The following TRPS1 variants were observed in gnomAD, a reference collection of about 807,000 sequenced individuals.
TRPS1 encodes transcriptional repressor GATA binding 1, also known as zinc finger transcription factor Trps1.
A neutral mutation model predicts 101.2 loss-of-function variants in TRPS1; 6 were observed. That is an observed-to-expected ratio of 0.06 (90% CI 0.03 to 0.12). The LOEUF (loss-of-function observed/expected upper bound fraction) is 0.12, where lower values mean the gene tolerates loss of function less well. Ranked by LOEUF, TRPS1 falls within the 10% of genes least tolerant of loss-of-function variation. The pLI is 1.00. For missense variants in TRPS1, 1,363 were observed against 1,567.0 expected (o/e 0.87, Z 2.20); for synonymous variants, 578 against 589.8 (o/e 0.98, Z 0.29).
intron 5 of TRPS1, among the ~76,000 whole-genome samples, chr8:115,577,390 T>A (rs1489670905): frequency 2.0e-5 from 3 of 152,104 alleles, no homozygotes; most frequent in Non-Finnish European, 2.9e-5. Context: ...ATTTTTAGCA[T>A]ATAGGTAGCA....
At chr8:115,463,492 A>C (rs1313480258) in intron 5 of TRPS1, among the ~76,000 whole-genome samples, 1 of 152,164 alleles carries the variant, frequency 6.6e-6, no homozygotes, top group East Asian at 1.9e-4. Context: ...AATATACCTA[A>C]CCTGAGAGGT....
rs553616250 is a variant in TRPS1, at chr8:115,653,991, G to A, written c.-122+14554C>T. Among the ~76,000 whole-genome samples the A allele has an allele frequency of 2.6e-5, 4 of 152,178 alleles. No homozygotes were observed. The South Asian group carries it at 8.3e-4, about 32-fold the overall frequency. ...AGAGGTGAAAATGACAATAGCATTG[G>A]GGTTGTAATGTGTGAATTTCACTTA... On this transcript the variant is annotated intron_variant, in intron 1 of 6. Coordinates refer to ENST00000395715, the MANE Select transcript of TRPS1 (RefSeq NM_014112.5).
chr8:115,564,889 G>A (rs1408829054), intron 5 of TRPS1, among the ~76,000 whole-genome samples: 1 of 152,046 alleles, frequency 6.6e-6, no homozygotes, highest in African/African-American at 2.4e-5. Flanking sequence ...TCCACTGAAT[G>A]TTACATTCAT....
At chr8:115,439,574 A>T (rs1813539586) in intron 5 of TRPS1, among the ~76,000 whole-genome samples, 1 of 152,234 alleles carries the variant, frequency 6.6e-6, no homozygotes, top group Non-Finnish European at 1.5e-5. Flanking sequence ...TAAAGAGCAC[A>T]GTTTTTCCTC....
At chr8:115,498,387 C>G (rs1349312680) in intron 5 of TRPS1, among the ~76,000 whole-genome samples, 11 of 70,392 alleles carry the variant, frequency 1.6e-4, no homozygotes, top group East Asian at 4.6e-4. Flanking sequence ...CTCTCTCTCT[C>G]TCTCTCTCTC....
At chr8:115,612,742 G>C (rs1283202974) in intron 3 of TRPS1, among the ~76,000 whole-genome samples, 1 of 152,188 alleles carries the variant, frequency 6.6e-6, no homozygotes, top group African/African-American at 2.4e-5. Flanking sequence ...TGCTAGGCCA[G>C]GAGACTCTGT....
At position 115,604,597 on chromosome 8, in the gene TRPS1, A is replaced by G. The variant is rs373586287; in HGVS notation, c.1372T>C (p.Ser458Pro). The G allele has an allele frequency of 1.9e-6, 3 of 1,613,922 alleles. No homozygotes were observed. The highest frequency in any genetic ancestry group is 2.5e-6 in the Non-Finnish European group (3 of 1,179,996). The change falls in exon 4 of 7, where the codon TCA becomes CCA. Residue 458 changes from serine to proline, a missense_variant. Physicochemically the swap from Ser to Pro is moderately conservative, Grantham distance 74. This residue lies in a region of TRPS1 where 1,020 missense variants were observed against 1,073.0 expected (regional missense o/e 0.95). Transcript: ENST00000395715. This position sits in a 1 kb window ranked among gnomAD's most constrained non-coding sequence, Gnocchi z 4.1. ...TCTAGCAGTTTAAGTGAGCTAGATG[A>G]CTCACAGCTGAAACTACAAAATTTA... ...WCKFCSFSCE[S>P]SSSLKLLEHY...
rs919954989 is a variant in TRPS1 at position 115,619,754 on chromosome 8, T to C, written c.344A>G (p.His115Arg). 3 of 1,614,238 alleles carry C rather than the reference T, an allele frequency of 1.9e-6. No individual in the cohort carries two copies. The highest frequency in any genetic ancestry group is 1.7e-6 in the Non-Finnish European group (2 of 1,180,040). ...SKGGNFPSFP[H>R]DEVTDRNMLA... ...CATATTTCTGTCTGTCACCTCATCA[T>C]GCGGAAAGGAGGGAAAGTTTCCTCC... is the stretch of plus-strand genomic sequence containing the variant. Residue 115 changes from histidine to arginine, a missense_variant, in exon 3 of 7, where the codon CAT becomes CGT. Physicochemically the swap from His to Arg is conservative, Grantham distance 29 (BLOSUM62 0). Around this residue, in one of 5 missense-constraint regions of TRPS1, gnomAD observed 1,020 missense variants for 1,073.0 expected, o/e 0.95. Coordinates refer to ENST00000395715, the MANE Select transcript of TRPS1 (RefSeq NM_014112.5).
At chr8:115,501,020 G>A (rs1021520955) in intron 5 of TRPS1, among the ~76,000 whole-genome samples, 3 of 150,520 alleles carry the variant, frequency 2.0e-5, no homozygotes, top group Non-Finnish European at 4.4e-5. Flanking sequence ...TCTTGGTTTC[G>A]GGGGAGGGAG....
At position 115,431,192 on chromosome 8, in the gene TRPS1, TTC is replaced by T. The variant is rs542100558; in HGVS notation, c.2701-12742_2701-12741del. On this transcript the variant is annotated intron_variant, in intron 5 of 6. Transcript: ENST00000395715. ...AGGCATTCAGAGATCATTAAATTTT[TTC>T]TTTCTCTCTTAATTTCAGAAGAGAT... Among the ~76,000 whole-genome samples, 31 of 152,142 alleles carry T rather than the reference TTC, an allele frequency of 2.0e-4. No homozygotes were observed. The East Asian group carries it at 3.7e-3, about 18-fold the overall frequency.
intron 1 of TRPS1, among the ~76,000 whole-genome samples, chr8:115,667,654 C>T (rs1443734479): frequency 6.6e-6 from 1 of 152,212 alleles, no homozygotes; most frequent in African/African-American, 2.4e-5. Flanking sequence ...ACAGACCGCT[C>T]GGCCAAGCTG....
At chr8:115,492,316 GTTAA>G (rs1483582538) in intron 5 of TRPS1, 2 of 450,670 alleles carry the variant, frequency 4.4e-6, no homozygotes, top group African/African-American at 2.0e-5. Context: ...GTTTTCAGGA[GTTAA>G]TTAGAGAGGC....
In TRPS1 at chr8:115,624,295, A is replaced by T. The variant is rs956373204; in HGVS notation, c.-121-537T>A. Reference sequence around the variant, plus strand: ...AGTCTACTATGAATTGCCATTTTAGATGATGGGCTAAAAGTGAAGTTGAGA... The same window carrying T: ...AGTCTACTATGAATTGCCATTTTAGTTGATGGGCTAAAAGTGAAGTTGAGA... On this transcript the variant is annotated intron_variant, in intron 1 of 6. Transcript: ENST00000395715. Among the ~76,000 whole-genome samples, 3 of 152,110 alleles carry T rather than the reference A, an allele frequency of 2.0e-5. No individual in the cohort carries two copies. In the South Asian group the frequency reaches 6.2e-4, roughly 32 times the overall value.
intron 5 of TRPS1, among the ~76,000 whole-genome samples, chr8:115,482,463 T>C (rs531299358): frequency 2.6e-5 from 4 of 152,276 alleles, no homozygotes; most frequent in African/African-American, 9.6e-5. Flanking sequence ...ATATCTAAAA[T>C]ACTTAAAGTA....
At chr8:115,494,802 C>T (rs376462525) in intron 5 of TRPS1, among the ~76,000 whole-genome samples, 2 of 152,124 alleles carry the variant, frequency 1.3e-5, no homozygotes, top group Non-Finnish European at 2.9e-5. Context: ...TGATACAGTT[C>T]GATGAATCGG....
intron 1 of TRPS1, among the ~76,000 whole-genome samples, chr8:115,639,907 A>C (rs1268513132): frequency 6.6e-6 from 1 of 152,202 alleles, no homozygotes; most frequent in Non-Finnish European, 1.5e-5. Flanking sequence ...TCATGAGGTA[A>C]ACCCTTGATA....
At chr8:115,626,310 C>T (rs565707988) in intron 1 of TRPS1, among the ~76,000 whole-genome samples, 2 of 151,398 alleles carry the variant, frequency 1.3e-5, no homozygotes, top group African/African-American at 4.8e-5. Context: ...CACTTGAATC[C>T]TGTCTACTCC....
Position 115,623,605 on chromosome 8 carries a change from A to G in TRPS1, c.33T>C (p.Phe11=). MPYEVNAGYD[F]TNMVRKKNPP... ...TTGAAAAAATAGATCACATACTTGT[A>G]AAATCATACCCAGCATTGACTTCAT... is the stretch of plus-strand genomic sequence containing the variant. The change falls in exon 2 of 7, where the codon TTT becomes TTC. Residue 11 remains phenylalanine, a synonymous_variant. Coordinates refer to ENST00000395715, the MANE Select transcript of TRPS1 (RefSeq NM_014112.5). The G allele has an allele frequency of 1.2e-6, 2 of 1,612,248 alleles. No individual in the cohort carries two copies. The highest frequency in any genetic ancestry group is 1.1e-5 in the South Asian group (1 of 90,978).
At chr8:115,511,839 T>C (rs1815592030) in intron 5 of TRPS1, among the ~76,000 whole-genome samples, 3 of 151,880 alleles carry the variant, frequency 2.0e-5, no homozygotes, top group South Asian at 2.1e-4. Flanking sequence ...ATAAACTATA[T>C]GTGGTAGAGG....
Sources: gnomAD v4.1 joint callset for allele counts (sites outside exome capture counted in the v4.1 genomes callset) on GRCh38, gnomAD v4.1.1 for gene constraint, gnomAD v4.1.1 regional missense constraint, Gnocchi (gnomAD v3.1) non-coding constraint, MANE v1.5 for transcripts, NCBI Gene and HGNC (gene_info 2026-07-23, HGNC 2026-07-21) for gene names.